Variants in APLP2 observed in about 807,000 individuals in gnomAD.
The protein encoded by APLP2 is CDEI box-binding protein.
In APLP2, 53 loss-of-function variants were observed where a neutral mutation model predicts 89.9. That is an observed-to-expected ratio of 0.59 (90% confidence interval 0.47 to 0.74). The LOEUF is 0.74. Ranked by LOEUF, APLP2 falls within the 30% of genes least tolerant of loss-of-function variation. The pLI, the probability that APLP2 is intolerant of heterozygous loss-of-function variation, is 0.00. For missense variants in APLP2, 973 were observed against 975.9 expected (o/e 1.00, Z 0.04); for synonymous variants, 372 against 348.6 (o/e 1.07, Z -0.75).
intron 3 of APLP2, among the ~76,000 whole-genome samples, chr11:130,118,267 C>T (rs1471016406): frequency 6.6e-6 from 1 of 152,116 alleles, no homozygotes; most frequent in Non-Finnish European, 1.5e-5. Flanking sequence ...AAAACTAGTT[C>T]CTCAAGACTT....
chr11:130,120,672 T>C, intron 3 of APLP2, 34 bp from the exon 4 acceptor site: 1 of 1,514,462 alleles, frequency 6.6e-7, no homozygotes, highest in Non-Finnish European at 9.2e-7. Flanking sequence ...GAAATCATGG[T>C]CAGATCCGCT....
intron 3 of APLP2, among the ~76,000 whole-genome samples, chr11:130,115,827 G>T (rs961495623): frequency 6.6e-6 from 1 of 152,204 alleles, no homozygotes; most frequent in African/African-American, 2.4e-5. Flanking sequence ...TGATAGAGCG[G>T]ATGCTGGGAT....
intron 1 of APLP2, among the ~76,000 whole-genome samples, chr11:130,081,564 T>C (rs59524649): frequency 0.21 from 32,091 of 152,074 alleles, 4,619 homozygotes; most frequent in East Asian, 0.43. Context: ...GCTCAGTGGG[T>C]TCAATTATGT....
intron 1 of APLP2, among the ~76,000 whole-genome samples, chr11:130,077,325 T>C (rs1015004050): frequency 1.3e-5 from 2 of 152,170 alleles, no homozygotes; most frequent in African/African-American, 4.8e-5. Flanking sequence ...GTGAGTGGAC[T>C]GTGAGGGAGA....
chr11:130,142,017 C>G lies in APLP2; in HGVS notation c.2097C>G (p.Ile699Met). The part of the protein sequence containing the change: ...IAVAIATVIV[I>M]SLVMLRKRQY... ...TGGCCATTGCCACGGTCATCGTCATCAGCCTGGTGATGCTGAGGAAGAGGC... is the reference window on the plus strand; with the variant it reads ...TGGCCATTGCCACGGTCATCGTCATGAGCCTGGTGATGCTGAGGAAGAGGC... Residue 699 changes from isoleucine (I) to methionine (M), a missense_variant, in exon 16 of 17, where the codon ATC becomes ATG. Transcript: ENST00000338167. 6.2e-7 allele frequency: 1 copy of G among 1,613,946 alleles called. No homozygotes were observed. The highest frequency in any genetic ancestry group is 1.1e-5 in the South Asian group (1 of 91,032).
At chr11:130,078,719 A>T (rs1262495458) in intron 1 of APLP2, among the ~76,000 whole-genome samples, 2 of 152,004 alleles carry the variant, frequency 1.3e-5, no homozygotes, top group Non-Finnish European at 2.9e-5. Context: ...TGTCAAGGTC[A>T]TCCTTTCCCT....
intron 1 of APLP2, chr11:130,101,992 G>C: frequency 2.2e-6 from 1 of 456,230 alleles, no homozygotes; most frequent in Non-Finnish European, 4.4e-6. Flanking sequence ...CATTGTGGAT[G>C]AGATTAATGT....
intron 3 of APLP2, among the ~76,000 whole-genome samples, chr11:130,116,238 G>T (rs923888739): frequency 6.6e-6 from 1 of 151,996 alleles, no homozygotes; most frequent in African/African-American, 2.4e-5. Flanking sequence ...ATACGCAGTG[G>T]GTTTCCTTTT....
chr11:130,070,783 AG>A lies in APLP2; in HGVS notation c.105+704del, dbSNP rs1178559435. 2.2e-6 allele frequency: 3 copies of A among 1,355,918 alleles called. No individual in the cohort carries two copies. In the African/African-American group the frequency reaches 4.5e-5, roughly 21 times the overall value. 84.0% of individuals were successfully genotyped at this position (1,355,918 alleles called of 1,614,324 possible). A position where few individuals can be genotyped will look rare whatever the true frequency, so the allele number is the denominator to read the frequency against. On this transcript the variant is annotated intron_variant, in intron 1 of 16. Coordinates refer to ENST00000338167, the MANE Select transcript of APLP2 (RefSeq NM_001142276.2). ...CGCTTTCGTGAGGGTTTCAGTGAGT[AG>A]GGAAGGTGCCCGCGAAGGCGTGTAA... is the stretch of plus-strand genomic sequence containing the variant.
chr11:130,121,840 G>GT lies in APLP2; in HGVS notation c.713+34dup, dbSNP rs771288672. The GT allele has an allele frequency of 6.9e-6, 11 of 1,596,336 alleles. No individual in the cohort carries two copies. The South Asian group carries it at 1.2e-4, about 18-fold the overall frequency. Reference sequence around the variant, plus strand: ...CTCTTCTACTTTGAACTGTGAAGTCGTTTTGCCTTTTTGTTAGCCCTTCTG... The same window carrying GT: ...CTCTTCTACTTTGAACTGTGAAGTCGTTTTTGCCTTTTTGTTAGCCCTTCTG... On this transcript the variant is annotated intron_variant, in intron 5 of 16. Coordinates refer to ENST00000338167, the MANE Select transcript of APLP2 (RefSeq NM_001142276.2).
Position 130,141,588 on chromosome 11 carries a change from C to T in APLP2, c.1998+16C>T. On this transcript the variant is annotated intron_variant, in intron 15 of 16. Transcript: ENST00000338167. This position sits in a 1 kb window ranked among gnomAD's most constrained non-coding sequence, Gnocchi z 4.2. ...GGAAGAGCGGGTACGTGTTTAGCTCCAGAACCTAAGGTTTCCTGCCAATCT... is the reference window on the plus strand; with the variant it reads ...GGAAGAGCGGGTACGTGTTTAGCTCTAGAACCTAAGGTTTCCTGCCAATCT... 9 of 1,611,080 alleles carry T rather than the reference C, an allele frequency of 5.6e-6. No homozygotes were observed. Among genetic ancestry groups the T allele is most frequent in the Non-Finnish European group, 7.6e-6 (9 of 1,177,472 alleles).
At chr11:130,078,663 T>G (rs1242475410) in intron 1 of APLP2, among the ~76,000 whole-genome samples, 2 of 152,116 alleles carry the variant, frequency 1.3e-5, no homozygotes, top group Non-Finnish European at 2.9e-5. Context: ...AAGGGCCATT[T>G]CATTTCTGTT....
intron 1 of APLP2, among the ~76,000 whole-genome samples, chr11:130,101,167 G>A (rs760193387): frequency 6.6e-6 from 1 of 152,086 alleles, no homozygotes; most frequent in African/African-American, 2.4e-5. Flanking sequence ...ATGTGTACCC[G>A]TGTGTTTTGT....
intron 1 of APLP2, among the ~76,000 whole-genome samples, chr11:130,079,083 TTTTATTTA>T (rs536291649): frequency 7.7e-6 from 1 of 130,682 alleles, no homozygotes; most frequent in East Asian, 2.5e-4. Flanking sequence ...CATGTATTTT[TTTTATTTA>T]TTTATTTATT....
intron 1 of APLP2, among the ~76,000 whole-genome samples, chr11:130,087,601 A>G (rs187333691): frequency 6.6e-6 from 1 of 152,296 alleles, no homozygotes; most frequent in East Asian, 1.9e-4. Flanking sequence ...AAAAGAGAAC[A>G]TTGGTTTGAA....
intron 8 of APLP2, among the ~76,000 whole-genome samples, chr11:130,127,277 T>A (rs987056106): frequency 1.3e-5 from 2 of 152,180 alleles, no homozygotes; most frequent in Non-Finnish European, 2.9e-5. Flanking sequence ...TCAGAGATGT[T>A]TCTTTTCCTT....
chr11:130,116,346 A>G lies in APLP2; in HGVS notation c.404-4360A>G, dbSNP rs115081627. Among the ~76,000 whole-genome samples the G allele has an allele frequency of 7.7e-3, 1,174 of 152,258 alleles. 22 individuals carry two copies. Among genetic ancestry groups the G allele is most frequent in the African/African-American group, 0.026 (1,100 of 41,546 alleles). On this transcript the variant is annotated intron_variant, in intron 3 of 16. Coordinates refer to ENST00000338167, the MANE Select transcript of APLP2 (RefSeq NM_001142276.2). ...GCCATATTTCTTGTAACCCCATACT[A>G]TTCTGTTGTATATATGTATCATCAT... is the stretch of plus-strand genomic sequence containing the variant.
intron 1 of APLP2, among the ~76,000 whole-genome samples, chr11:130,075,165 T>G (rs1279788512): frequency 2.0e-5 from 3 of 152,202 alleles, no homozygotes; most frequent in Non-Finnish European, 2.9e-5. Context: ...TATTTTTTAT[T>G]TTTTGAGACA....
chr11:130,073,641 G>T (rs1941561053), intron 1 of APLP2, among the ~76,000 whole-genome samples: 1 of 152,166 alleles, frequency 6.6e-6, no homozygotes, highest in South Asian at 2.1e-4. Flanking sequence ...AGGAGTTCGA[G>T]ACCAGCCTGA....
Sources: gnomAD v4.1 joint callset for allele counts (sites outside exome capture counted in the v4.1 genomes callset) on GRCh38, gnomAD v4.1.1 for gene constraint, Gnocchi (gnomAD v3.1) non-coding constraint, MANE v1.5 for transcripts, NCBI Gene and HGNC (gene_info 2026-07-23, HGNC 2026-07-21) for gene names.